TRIP12: variants seen among roughly 807,000 people sequenced by gnomAD.
TRIP12 encodes E3 ubiquitin-protein ligase TRIP12.
In TRIP12, 25 loss-of-function variants were observed where a neutral mutation model predicts 244.2. The ratio of observed to expected loss-of-function variants is 0.10; its 90% CI spans 0.07 to 0.14. The LOEUF (loss-of-function observed/expected upper bound fraction) is 0.14, where lower values mean the gene tolerates loss of function less well. Among genes scored for constraint, TRIP12 ranks in the 10% least tolerant of loss-of-function variants. TRIP12 has a pLI of 1.00. For synonymous variants in TRIP12, 905 were observed against 873.1 expected, an observed-to-expected ratio of 1.04 and a Z score of -0.64; for missense variants, 1,677 against 2,486.4, an observed-to-expected ratio of 0.67 and a Z score of 6.92.
At chr2:229,906,476 C>A (rs1464611360) in intron 1 of TRIP12, among the ~76,000 whole-genome samples, 1 of 151,130 alleles carries the variant, frequency 6.6e-6, no homozygotes, top group Non-Finnish European at 1.5e-5. Context: ...AATCCCAGCA[C>A]TTTAAGAGGC....
intron 11 of TRIP12, 107 bp downstream of exon 11, chr2:229,814,992 C>T (rs1354936864): frequency 4.4e-5 from 36 of 827,324 alleles, no homozygotes; most frequent in Non-Finnish European, 5.7e-5. Flanking sequence ...AAACATTTCT[C>T]GGGCTAAAAA....
Position 229,840,802 on chromosome 2 carries a change from A to T in TRIP12, c.1133+20T>A, listed in dbSNP as rs775284695. 71 of 1,112,550 alleles carry T rather than the reference A, an allele frequency of 6.4e-5. No individual in the cohort carries two copies. The highest frequency in any genetic ancestry group is 7.8e-5 in the Non-Finnish European group (64 of 822,012). The allele number at this position is 1,112,550 out of a possible 1,614,324, so 68.9% of individuals were successfully genotyped here. A position where few individuals can be genotyped will look rare whatever the true frequency, so the allele number is the denominator to read the frequency against. On this transcript the variant is annotated intron_variant, in intron 5 of 41. Transcript: ENST00000675903. ...ACAGAATAAAAATGAACTCACTATA[A>T]AAAAAAAAAAACAAATTACCTGGTA...
chr2:229,917,208 A>G (rs2433734), intron 1 of TRIP12, among the ~76,000 whole-genome samples: 122,931 of 151,380 alleles, frequency 0.81, 50,264 homozygotes, highest in East Asian at 0.91. Flanking sequence ...GTGAAACCCC[A>G]TCTCTACTAA....
chr2:229,837,421 G>C (rs1361698766), intron 5 of TRIP12, among the ~76,000 whole-genome samples: 1 of 152,066 alleles, frequency 6.6e-6, no homozygotes, highest in Non-Finnish European at 1.5e-5. Flanking sequence ...GATCACCTGA[G>C]CTCAGGAGTT....
intron 2 of TRIP12, among the ~76,000 whole-genome samples, chr2:229,862,835 G>T (rs2060686354): frequency 6.6e-6 from 1 of 152,104 alleles, no homozygotes; most frequent in African/African-American, 2.4e-5. Context: ...TACCTTCAAT[G>T]AACTTAAGAA....
chr2:229,881,206 A>T (rs1230708450), intron 1 of TRIP12, among the ~76,000 whole-genome samples: 1 of 152,242 alleles, frequency 6.6e-6, no homozygotes, highest in Non-Finnish European at 1.5e-5. Flanking sequence ...AGCTCAAAAC[A>T]GTTCTTAATC....
At chr2:229,780,493 T>C (rs1222270909) in intron 34 of TRIP12, among the ~76,000 whole-genome samples, 1 of 151,852 alleles carries the variant, frequency 6.6e-6, no homozygotes, top group African/African-American at 2.4e-5. Context: ...TTTCCAAAGG[T>C]TTTCCATCTC....
At position 229,912,277 on chromosome 2, in the gene TRIP12, G is replaced by A. The variant is rs75891951; in HGVS notation, c.-50+9603C>T. ...ACTTTTATATGTAGTATCAGAAAGG[G>A]AAGCACTGTCATAAAAAATGACATC... On this transcript the variant is annotated intron_variant, in intron 1 of 41. Transcript: ENST00000675903. Among the ~76,000 whole-genome samples the A allele has an allele frequency of 4.3e-3, 652 of 152,260 alleles. 6 individuals are homozygous for A. Among genetic ancestry groups the A allele is most frequent in the African/African-American group, 0.014 (587 of 41,544 alleles).
intron 6 of TRIP12, among the ~76,000 whole-genome samples, 190 bp downstream of exon 6, chr2:229,836,658 T>C (rs2054899732): frequency 6.6e-6 from 1 of 152,194 alleles, no homozygotes; most frequent in Non-Finnish European, 1.5e-5. Context: ...TGAATGTAAT[T>C]AGAGCAAATT....
chr2:229,810,151 G>A (rs1470706362), intron 15 of TRIP12, among the ~76,000 whole-genome samples: 1 of 152,220 alleles, frequency 6.6e-6, no homozygotes, highest in Non-Finnish European at 1.5e-5. Context: ...CCTGAGGCCA[G>A]GACTTCAAGA....
At chr2:229,918,885 C>T (rs1349569477) in intron 1 of TRIP12, among the ~76,000 whole-genome samples, 2 of 152,072 alleles carry the variant, frequency 1.3e-5, no homozygotes, top group Admixed American at 1.3e-4. Context: ...TCAGTCATTA[C>T]ATCTGTTGGG....
Position 229,782,020 on chromosome 2 carries a change from T to G in TRIP12, c.5095-3030A>C, listed in dbSNP as rs114823871. ...GTTTAGGTTTCACGCAAGATGCAATTTTAACAGAACCATGAGGGATGAGAG... is the reference window on the plus strand; with the variant it reads ...GTTTAGGTTTCACGCAAGATGCAATGTTAACAGAACCATGAGGGATGAGAG... On this transcript the variant is annotated intron_variant, in intron 34 of 41. Transcript: ENST00000675903. 2.8e-3 allele frequency among the ~76,000 whole-genome samples: 426 copies of G among 152,250 alleles called. 1 individual carries two copies. The highest frequency in any genetic ancestry group is 0.014 in the Middle Eastern group (4 of 294).
In TRIP12 at chr2:229,788,785, G is replaced by A. The variant is rs1285868100; in HGVS notation, c.4838+13C>T. ...CATTTCCAAGGCCACCATTACAGAA[G>A]TGATTGTCTTACCAGGTTTTTCCTA... On this transcript the variant is annotated intron_variant, in intron 32 of 41. Coordinates refer to ENST00000675903, the MANE Select transcript of TRIP12 (RefSeq NM_001348323.3). 1 of 1,610,572 alleles carries A rather than the reference G, an allele frequency of 6.2e-7. No homozygotes were observed. Among genetic ancestry groups the A allele is most frequent in the African/African-American group, 1.3e-5 (1 of 74,808 alleles).
intron 1 of TRIP12, among the ~76,000 whole-genome samples, chr2:229,918,035 G>A (rs550556688): frequency 6.6e-6 from 1 of 152,246 alleles, no homozygotes; most frequent in East Asian, 1.9e-4. Flanking sequence ...CCCTCAGGAA[G>A]CCTACAGTCC....
At chr2:229,810,177 C>T (rs1036216709) in intron 15 of TRIP12, among the ~76,000 whole-genome samples, 1 of 152,138 alleles carries the variant, frequency 6.6e-6, no homozygotes, top group Non-Finnish European at 1.5e-5. Flanking sequence ...CTAGGCAATA[C>T]AGTGAGACCT....
At chr2:229,836,796 CAAATCTGTAAAAGACAGA>C (rs2054943347) in intron 6 of TRIP12, 34 bp downstream of exon 6, 1 of 1,553,858 alleles carries the variant, frequency 6.4e-7, no homozygotes, top group South Asian at 1.2e-5. Context: ...CTCTGCCCAT[CAAATCTGTAAAAGACAGA>C]AACGCATTTT....
At chr2:229,783,021 T>C (rs1322522321) in intron 34 of TRIP12, among the ~76,000 whole-genome samples, 1 of 152,134 alleles carries the variant, frequency 6.6e-6, no homozygotes, top group Non-Finnish European at 1.5e-5. Flanking sequence ...AGACAAAGAC[T>C]AGAAGAGAAG....
At chr2:229,804,311 A>C in intron 18 of TRIP12, 84 bp from the exon 19 acceptor site, 1 of 1,208,988 alleles carries the variant, frequency 8.3e-7, no homozygotes, top group Non-Finnish European at 1.2e-6. Flanking sequence ...TACTCAAGCC[A>C]GTGTAATTCT....
chr2:229,902,629 G>C lies in TRIP12; in HGVS notation c.-50+19251C>G, dbSNP rs183395752. ...ACCAGCTTTCACAGTTTGAGAGCTA[G>C]ACTTCCAACATTTTGAGATCTTTGG... On this transcript the variant is annotated intron_variant, in intron 1 of 41. Transcript: ENST00000675903. Among the ~76,000 whole-genome samples the C allele has an allele frequency of 6.6e-5, 10 of 152,272 alleles. No individual in the cohort carries two copies. The East Asian group carries it at 1.5e-3, about 23-fold the overall frequency.
Sources: gnomAD v4.1 joint callset for allele counts (sites outside exome capture counted in the v4.1 genomes callset) on GRCh38, gnomAD v4.1.1 for gene constraint, MANE v1.5 for transcripts, NCBI Gene and HGNC (gene_info 2026-07-23, HGNC 2026-07-21) for gene names.